FAM13B: variants seen among roughly 807,000 people sequenced by gnomAD.
FAM13B encodes the protein protein FAM13B.
Under a neutral mutation model 117.3 loss-of-function variants are expected in FAM13B, and 60 were observed. That is an observed-to-expected ratio of 0.51 (90% CI 0.42 to 0.63). The LOEUF is 0.63. Ranked by LOEUF, FAM13B falls within the 30% of genes least tolerant of loss-of-function variation. The pLI is 0.00. For missense variants in FAM13B, 972 were observed against 1,091.9 expected (o/e 0.89, Z 1.55); for synonymous variants, 332 against 356.1 (o/e 0.93, Z 0.76).
At chr5:137,969,456 C>A (rs1220667717) in intron 10 of FAM13B, among the ~76,000 whole-genome samples, 2 of 152,220 alleles carry the variant, frequency 1.3e-5, no homozygotes, top group Non-Finnish European at 2.9e-5. Flanking sequence ...AAAAACCCAT[C>A]TGTACATCAC....
At chr5:138,033,090 G>C (rs996018346), upstream of FAM13B, 2 of 984,902 alleles carry the variant, frequency 2.0e-6, no homozygotes, top group Non-Finnish European at 2.4e-6. Flanking sequence ...GGCGGGCGGA[G>C]GCCGGGCCGG....
intron 10 of FAM13B, among the ~76,000 whole-genome samples, chr5:137,979,348 A>C (rs1274765718): frequency 6.6e-6 from 1 of 152,130 alleles, no homozygotes; most frequent in African/African-American, 2.4e-5. Flanking sequence ...AATACAGTGC[A>C]AAAAGCCTAC....
rs373247757 is a variant in FAM13B at position 137,940,169 on chromosome 5, T to C, written c.*56A>G. The stretch of plus-strand genomic sequence containing the variant: ...TTAAGTACCAGCCAAGTACACACGA[T>C]GATAGCTTCAAGGAATACAACTGAC... On this transcript the variant is annotated 3_prime_UTR_variant, in exon 24 of 24. Coordinates refer to ENST00000689681, the MANE Select transcript of FAM13B (RefSeq NM_001385994.1). The C allele has an allele frequency of 1.8e-4, 289 of 1,613,562 alleles. No homozygotes were observed. In the African/African-American group the frequency reaches 3.3e-3, roughly 18 times the overall value.
intron 1 of FAM13B, 37 bp from the exon 2 acceptor site, chr5:138,021,234 C>A (rs1455590950): frequency 1.6e-6 from 2 of 1,220,484 alleles, no homozygotes; most frequent in South Asian, 4.1e-5. Flanking sequence ...TTTCCCACAT[C>A]TTTAACTGTC....
chr5:138,048,857 T>A lies in FAM13B; in HGVS notation c.-203+3021A>T, dbSNP rs561515660. Among the ~76,000 whole-genome samples, 6 of 152,274 alleles carry A rather than the reference T, an allele frequency of 3.9e-5. No individual in the cohort carries two copies. The East Asian group carries it at 1.2e-3, about 29-fold the overall frequency. ...AGCATCATTGTACCCCATGCAGACC[T>A]TTGCCACTACCTCAATGTCAGTCTC... On this transcript the variant is annotated intron_variant, in intron 1 of 3. Coordinates refer to the FAM13B transcript ENST00000502471.
intron 18 of FAM13B, chr5:137,946,526 C>T (rs1041070800): frequency 2.0e-5 from 9 of 455,186 alleles, no homozygotes; most frequent in Admixed American, 4.0e-5. Flanking sequence ...AAGTAGGTAC[C>T]AACCCCTTTG....
At position 137,962,367 on chromosome 5, in the gene FAM13B, C is replaced by A. The variant is rs776650106; in HGVS notation, c.1244+38G>T. 5.0e-6 allele frequency: 8 copies of A among 1,590,116 alleles called. No individual in the cohort carries two copies. In the South Asian group the frequency reaches 9.0e-5, roughly 18 times the overall value. ...CAAAAATCTGTGAAGAGCTCCAATT[C>A]TCAAAATGATTAATTAGCAACAAGA... is the stretch of plus-strand genomic sequence containing the variant. On this transcript the variant is annotated intron_variant, in intron 11 of 23. Transcript: ENST00000689681.
intron 1 of FAM13B, among the ~76,000 whole-genome samples, chr5:138,030,403 T>C (rs1229810650): frequency 1.4e-5 from 2 of 139,940 alleles, no homozygotes; most frequent in Non-Finnish European, 3.1e-5. Context: ...CATGCCACCA[T>C]GCCTGGCTTT....
At chr5:138,019,556 T>G (rs531241016) in intron 2 of FAM13B, among the ~76,000 whole-genome samples, 1 of 152,352 alleles carries the variant, frequency 6.6e-6, no homozygotes, top group East Asian at 1.9e-4. Context: ...CCTCAATTCA[T>G]AAGCCCAAAC....
At chr5:138,030,924 T>A (rs955823105) in intron 1 of FAM13B, among the ~76,000 whole-genome samples, 1 of 151,748 alleles carries the variant, frequency 6.6e-6, no homozygotes, top group Non-Finnish European at 1.5e-5. Flanking sequence ...TCCTAGCTAC[T>A]CGGGAGGCTA....
In FAM13B at chr5:137,971,463, T is replaced by C. The variant is rs1414089748; in HGVS notation, c.1180-8994A>G. 4.9e-5 allele frequency among the ~76,000 whole-genome samples: 7 copies of C among 143,700 alleles called. No homozygotes were observed. In the East Asian group the frequency reaches 1.4e-3, roughly 30 times the overall value. The allele number at this position is 143,700 out of a possible 152,430, so 94.3% of individuals were successfully genotyped here. A position where few individuals can be genotyped will look rare whatever the true frequency, so the allele number is the denominator to read the frequency against. ...AATCTCTGGGACACATTCAAAGCAG[T>C]GTGTAGAGGGAAATTTATAGCACTA... is the stretch of plus-strand genomic sequence containing the variant. On this transcript the variant is annotated intron_variant, in intron 10 of 23. Coordinates refer to ENST00000689681, the MANE Select transcript of FAM13B (RefSeq NM_001385994.1).
rs563785606 is a variant in FAM13B, at chr5:137,996,159, A to G, written c.849-7844T>C. 1.5e-4 allele frequency among the ~76,000 whole-genome samples: 23 copies of G among 152,288 alleles called. No homozygotes were observed. In the South Asian group the frequency reaches 4.8e-3, roughly 32 times the overall value. ...TTTTTGTTTTTTGTTTTTTTGAGAC[A>G]GAGTCTTGCACTCTCACCCAGGCTG... On this transcript the variant is annotated intron_variant, in intron 7 of 23. Coordinates refer to ENST00000689681, the MANE Select transcript of FAM13B (RefSeq NM_001385994.1).
intron 1 of FAM13B, among the ~76,000 whole-genome samples, chr5:138,023,324 T>C (rs908403859): frequency 6.6e-6 from 1 of 152,160 alleles, no homozygotes; most frequent in African/African-American, 2.4e-5. Context: ...CAACAAACAT[T>C]AAATGAGCAG....
chr5:138,028,893 C>T (rs1216605081), intron 1 of FAM13B, among the ~76,000 whole-genome samples: 1 of 152,158 alleles, frequency 6.6e-6, no homozygotes, highest in Non-Finnish European at 1.5e-5. Context: ...GTGGCACATG[C>T]CTGTGGTCCC....
rs1188118622 is a variant in FAM13B, at chr5:137,966,484, TATATAGAGAGAG to T, written c.1180-4027_1180-4016del. Among the ~76,000 whole-genome samples the T allele has an allele frequency of 2.5e-3, 129 of 50,604 alleles. 1 individual carries two copies. Among genetic ancestry groups the T allele is most frequent in the Middle Eastern group, 0.029 (2 of 70 alleles). 33.2% of individuals were successfully genotyped at this position (50,604 alleles called of 152,430 possible). Reference sequence around the variant, plus strand: ...TTATATATATATATATATATATATATATATAGAGAGAGAGAGAGAGAGAGAGAGAGAGAGAGA... The same window carrying T: ...TTATATATATATATATATATATATATAGAGAGAGAGAGAGAGAGAGAGAGA... On this transcript the variant is annotated intron_variant, in intron 10 of 23. Transcript: ENST00000689681.
intron 6 of FAM13B, among the ~76,000 whole-genome samples, chr5:138,010,303 C>A (rs2150885653): frequency 6.6e-6 from 1 of 152,234 alleles, no homozygotes; most frequent in South Asian, 2.1e-4. Context: ...TTATATCACA[C>A]TTTTTAAAAT....
intron 1 of FAM13B, among the ~76,000 whole-genome samples, chr5:138,046,236 G>A (rs767299957): frequency 2.0e-5 from 3 of 152,322 alleles, no homozygotes; most frequent in East Asian, 1.9e-4. Context: ...CCCCAGGCAC[G>A]TGGAACTGTT....
intron 1 of FAM13B, among the ~76,000 whole-genome samples, chr5:138,044,704 A>G (rs1561560831): frequency 6.6e-6 from 1 of 152,246 alleles, no homozygotes; most frequent in Non-Finnish European, 1.5e-5. Flanking sequence ...AAAGACTGGA[A>G]AAGTTAGCTA....
intron 10 of FAM13B, among the ~76,000 whole-genome samples, chr5:137,980,195 GA>G (rs1014579749): frequency 6.7e-6 from 1 of 149,254 alleles, no homozygotes; most frequent in African/African-American, 2.4e-5. Context: ...AAAAAAGAAA[GA>G]AAACTTAAAT....
Sources: gnomAD v4.1 joint callset for allele counts (sites outside exome capture counted in the v4.1 genomes callset) on GRCh38, gnomAD v4.1.1 for gene constraint, MANE v1.5 for transcripts, NCBI Gene and HGNC (gene_info 2026-07-23, HGNC 2026-07-21) for gene names.